The following NR3C1 variants were observed in gnomAD, a reference collection of about 807,000 sequenced individuals.
NR3C1 encodes the protein glucocorticoid receptor.
NR3C1 carries 14 observed loss-of-function variants against 74.0 expected under a neutral mutation model. The ratio of observed to expected loss-of-function variants is 0.19; its 90% CI spans 0.12 to 0.30. The LOEUF is 0.30. Ranked by LOEUF, NR3C1 falls within the 10% of genes least tolerant of loss-of-function variation. The pLI is 1.00. For missense variants in NR3C1, 695 were observed against 909.8 expected (o/e 0.76, Z 3.04); for synonymous variants, 308 against 332.5 (o/e 0.93, Z 0.80).
At chr5:143,414,193 T>A (rs1466762378) in intron 1 of NR3C1, among the ~76,000 whole-genome samples, 1 of 152,216 alleles carries the variant, frequency 6.6e-6, no homozygotes, top group Non-Finnish European at 1.5e-5. Context: ...TGGGCCTTTT[T>A]TGGGTGATGA....
At chr5:143,311,608 T>C (rs982651680) in intron 3 of NR3C1, among the ~76,000 whole-genome samples, 5 of 152,182 alleles carry the variant, frequency 3.3e-5, no homozygotes, top group African/African-American at 1.2e-4. Context: ...GTACAACTAA[T>C]AGTCATTTCC....
Position 143,399,777 on chromosome 5 carries a change from G to C in NR3C1, c.1063C>G (p.Pro355Ala). ...QDQKPIFNVI[P>A]PIPVGSENWN... is the part of the protein sequence containing the mutation. ...TTTTCGGAACCAACGGGAATTGGTG[G>C]AATGACATTAAAAATAGGCTTCTGA... The change falls in exon 2 of 9, where the codon CCA (proline) becomes GCA (alanine). Residue 355 changes from proline to alanine, a missense_variant. Around this residue, in one of 4 missense-constraint regions of NR3C1, gnomAD observed 497 missense variants for 489.5 expected, o/e 1.02. Coordinates refer to ENST00000394464, the MANE Select transcript of NR3C1 (RefSeq NM_000176.3). 6.2e-7 allele frequency: 1 copy of C among 1,614,174 alleles called. No homozygotes were observed. The highest frequency in any genetic ancestry group is 8.5e-7 in the Non-Finnish European group (1 of 1,180,010).
At chr5:143,315,921 C>A (rs1821980671) in intron 2 of NR3C1, among the ~76,000 whole-genome samples, 1 of 152,202 alleles carries the variant, frequency 6.6e-6, no homozygotes, top group Non-Finnish European at 1.5e-5. Flanking sequence ...CAGGCTTAGT[C>A]AATAGGACAG....
intron 2 of NR3C1, among the ~76,000 whole-genome samples, chr5:143,398,690 A>C (rs1435477474): frequency 6.6e-6 from 1 of 152,124 alleles, no homozygotes; most frequent in African/African-American, 2.4e-5. Context: ...TTCCTTCACA[A>C]CTAAAATGGA....
intron 2 of NR3C1, among the ~76,000 whole-genome samples, chr5:143,396,619 T>C (rs1839230959): frequency 6.6e-6 from 1 of 151,824 alleles, no homozygotes; most frequent in Admixed American, 6.6e-5. Context: ...TAAAACCAGA[T>C]ACAGATGCGA....
At chr5:143,330,892 C>T (rs75670377) in intron 2 of NR3C1, among the ~76,000 whole-genome samples, 1,923 of 152,196 alleles carry the variant, frequency 0.013, 38 homozygotes, top group African/African-American at 0.043. Flanking sequence ...AAGCAATTAG[C>T]GGGTTCAGTG....
At chr5:143,367,646 C>A (rs1456395342) in intron 2 of NR3C1, among the ~76,000 whole-genome samples, 1 of 152,088 alleles carries the variant, frequency 6.6e-6, no homozygotes, top group African/African-American at 2.4e-5. Context: ...AAAACAAATT[C>A]ATAAAAGCAT....
At chr5:143,307,474 T>C (rs950469450) in intron 4 of NR3C1, among the ~76,000 whole-genome samples, 1 of 152,150 alleles carries the variant, frequency 6.6e-6, no homozygotes, top group African/African-American at 2.4e-5. Context: ...ATAGTTTGGA[T>C]AGGGAGAAAT....
At chr5:143,292,455 C>T (rs562191071) in intron 7 of NR3C1, among the ~76,000 whole-genome samples, 13 of 152,160 alleles carry the variant, frequency 8.5e-5, no homozygotes, top group African/African-American at 3.1e-4. Flanking sequence ...TCCCCCAGGT[C>T]ACATAAGGGC....
intron 2 of NR3C1, among the ~76,000 whole-genome samples, chr5:143,354,120 T>C (rs1333666727): frequency 6.6e-6 from 1 of 152,226 alleles, no homozygotes; most frequent in Non-Finnish European, 1.5e-5. Context: ...TTCTGCAGCT[T>C]TCTCACCTCT....
intron 1 of NR3C1, among the ~76,000 whole-genome samples, chr5:143,411,060 T>C (rs1485826250): frequency 6.6e-6 from 1 of 152,232 alleles, no homozygotes; most frequent in Non-Finnish European, 1.5e-5. Context: ...TACTCCATTT[T>C]ACTATTATCT....
At chr5:143,384,295 C>G (rs1836783258) in intron 2 of NR3C1, among the ~76,000 whole-genome samples, 2 of 152,182 alleles carry the variant, frequency 1.3e-5, no homozygotes, top group East Asian at 1.9e-4. Context: ...TGGGGACACA[C>G]AGCCAAGCCA....
At chr5:143,349,934 G>A (rs115130016) in intron 2 of NR3C1, among the ~76,000 whole-genome samples, 2,000 of 152,156 alleles carry the variant, frequency 0.013, 17 homozygotes, top group Non-Finnish European at 0.021. Context: ...GGGCCTGCAT[G>A]ACAATGTGAT....
rs376009514 is a variant in NR3C1 at position 143,296,906 on chromosome 5, G to A, written c.1893-1316C>T. The stretch of plus-strand genomic sequence containing the variant: ...AGCCTGGCCAATATGGCAAAACCCC[G>A]TCTCTACTAAAAATACAAAAAATTA... On this transcript the variant is annotated intron_variant, in intron 6 of 8. Coordinates refer to ENST00000394464, the MANE Select transcript of NR3C1 (RefSeq NM_000176.3). Among the ~76,000 whole-genome samples, 256 of 151,792 alleles carry A rather than the reference G, an allele frequency of 1.7e-3. 1 individual carries two copies. Among genetic ancestry groups the A allele is most frequent in the African/African-American group, 5.7e-3 (235 of 41,400 alleles).
intron 1 of NR3C1, among the ~76,000 whole-genome samples, chr5:143,418,888 T>C (rs759339902): frequency 1.3e-5 from 2 of 152,198 alleles, no homozygotes; most frequent in Non-Finnish European, 2.9e-5. Context: ...TGTTTCCTCA[T>C]CTACTAAGTA....
upstream of NR3C1, chr5:143,405,090 T>C: frequency 1.0e-6 from 1 of 983,148 alleles, no homozygotes; most frequent in Non-Finnish European, 1.2e-6. Context: ...CCGCCCCAGC[T>C]CCCTTCCCCA....
rs1319128206 is a variant in NR3C1 at position 143,289,218 on chromosome 5, T to C, written c.2023+6242A>G. 5.3e-5 allele frequency among the ~76,000 whole-genome samples: 8 copies of C among 152,252 alleles called. 1 individual carries two copies. Among genetic ancestry groups the C allele is most frequent in the Admixed American group, 1.3e-4 (2 of 15,280 alleles). On this transcript the variant is annotated intron_variant, in intron 7 of 8. Transcript: ENST00000394464. The stretch of plus-strand genomic sequence containing the variant: ...TGCAACAGTAATCAAGACAGGGTGT[T>C]ATCAATATGAATATAGGCATACAGA...
chr5:143,434,253 G>A (rs934547779), intron 1 of NR3C1, among the ~76,000 whole-genome samples: 3 of 152,174 alleles, frequency 2.0e-5, no homozygotes, highest in Non-Finnish European at 4.4e-5. Flanking sequence ...CTCCATGTCA[G>A]TTTTGTTTTG....
intron 2 of NR3C1, among the ~76,000 whole-genome samples, chr5:143,373,213 A>G (rs1438642948): frequency 2.0e-5 from 3 of 152,198 alleles, no homozygotes; most frequent in African/African-American, 7.2e-5. Context: ...ATTTCTAGGT[A>G]TAATTCCCTT....
Sources: allele counts gnomAD v4.1 joint callset (sites outside exome capture counted in the v4.1 genomes callset), GRCh38; gene constraint gnomAD v4.1.1; regional missense constraint gnomAD v4.1.1; transcripts MANE v1.5; gene names NCBI Gene and HGNC (gene_info 2026-07-23, HGNC 2026-07-21).